The following PPA1 variants were observed in gnomAD, a reference collection of about 807,000 sequenced individuals.
PPA1 encodes the protein inorganic pyrophosphatase.
PPA1 carries 23 observed loss-of-function variants against 41.8 expected under a neutral mutation model. The ratio of observed to expected loss-of-function variants is 0.55; its 90% confidence interval spans 0.40 to 0.78. The LOEUF is 0.78. Among genes scored for constraint, PPA1 ranks in the 30% least tolerant of loss-of-function variants. PPA1 has a pLI of 0.00. For synonymous variants in PPA1, 101 were observed against 116.8 expected, an observed-to-expected ratio of 0.86 and a Z score of 0.87; for missense variants, 320 against 361.6, an observed-to-expected ratio of 0.89 and a Z score of 0.93.
chr10:70,209,668 G>A lies in PPA1; in HGVS notation c.529C>T (p.Arg177Trp), dbSNP rs749785473. Residue 177 changes from arginine to tryptophan, a missense_variant, in exon 7 of 11, where the codon CGG becomes TGG. Coordinates refer to ENST00000373232, the MANE Select transcript of PPA1 (RefSeq NM_021129.4). The stretch of plus-strand genomic sequence containing the variant: ...GCTTCTAAGTAGCCAGGTTTCAGCC[G>A]TTTGACATCATTGATATCTAAGAAG... ...ANYNDINDVK[R>W]LKPGYLEATV... 1.4e-5 allele frequency: 23 copies of A among 1,599,696 alleles called. No individual in the cohort carries two copies. Among genetic ancestry groups the A allele is most frequent in the Admixed American group, 1.0e-4 (6 of 58,158 alleles).
rs1385230006 is a variant in PPA1 at position 70,232,167 on chromosome 10, C to G, written c.64+1097G>C. Among the ~76,000 whole-genome samples, 3 of 152,292 alleles carry G rather than the reference C, an allele frequency of 2.0e-5. No homozygotes were observed. The East Asian group carries it at 5.8e-4, about 29-fold the overall frequency. ...AGCTTTACAGTTCGCTTTCCTTTTC[C>G]TCCCGCACCAGGCTACTTTTTGTTC... On this transcript the variant is annotated intron_variant, in intron 1 of 10. Coordinates refer to ENST00000373232, the MANE Select transcript of PPA1 (RefSeq NM_021129.4).
At chr10:70,225,523 A>AT (rs1422762633) in intron 2 of PPA1, among the ~76,000 whole-genome samples, 1 of 151,914 alleles carries the variant, frequency 6.6e-6, no homozygotes, top group Non-Finnish European at 1.5e-5. Context: ...CCCACCCCCC[A>AT]TTTTTTAATC....
At chr10:70,223,308 G>A (rs775684462) in intron 2 of PPA1, among the ~76,000 whole-genome samples, 15 of 151,996 alleles carry the variant, frequency 9.9e-5, no homozygotes, top group Non-Finnish European at 1.5e-4. Context: ...TCCAACTCCT[G>A]GTCTCAAGCA....
chr10:70,231,182 G>A (rs556912958), intron 1 of PPA1, among the ~76,000 whole-genome samples: 2 of 152,264 alleles, frequency 1.3e-5, no homozygotes, highest in Middle Eastern at 3.4e-3. Context: ...ATATATTCTA[G>A]AGGCCTAACT....
At chr10:70,205,110 T>G in intron 9 of PPA1, 195 bp from the exon 10 acceptor site, 1 of 432,790 alleles carries the variant, frequency 2.3e-6, no homozygotes, top group East Asian at 3.8e-5. Context: ...TCTTGGACAG[T>G]GCAGTGGCTC....
At chr10:70,226,010 G>A (rs1174874422) in intron 2 of PPA1, among the ~76,000 whole-genome samples, 1 of 152,148 alleles carries the variant, frequency 6.6e-6, no homozygotes. Context: ...TATTCACTTA[G>A]AATTGTGACT....
chr10:70,210,170 C>T (rs1001605535), intron 6 of PPA1: 30 of 337,798 alleles, frequency 8.9e-5, no homozygotes, highest in Admixed American at 6.6e-4. Flanking sequence ...CAGCCTTGAC[C>T]TCCACAGTTC....
chr10:70,203,039 A>T lies in PPA1; in HGVS notation c.*116T>A. 2.0e-6 allele frequency: 2 copies of T among 1,019,468 alleles called. No individual in the cohort carries two copies. The highest frequency in any genetic ancestry group is 1.5e-6 in the Non-Finnish European group (1 of 665,874). The allele number at this position is 1,019,468 out of a possible 1,614,324, so 63.2% of individuals were successfully genotyped here. On this transcript the variant is annotated 3_prime_UTR_variant, in exon 11 of 11. Coordinates refer to ENST00000373232, the MANE Select transcript of PPA1 (RefSeq NM_021129.4). ...TATTGGATTAGTCACAGCAGAATTT[A>T]CTTTAGTTAGATGAGTTCTACAAAT...
Position 70,209,651 on chromosome 10 carries a change from G to C in PPA1, c.546C>G (p.Tyr182Ter), listed in dbSNP as rs780777570. 1 of 1,605,104 alleles carries C rather than the reference G, an allele frequency of 6.2e-7. No individual in the cohort carries two copies. Among genetic ancestry groups the C allele is most frequent in the African/African-American group, 1.3e-5 (1 of 74,588 alleles). The change falls in exon 7 of 11, where the codon TAC (tyrosine) becomes TAG (stop). Residue 182 changes from tyrosine (Y) to a stop codon, truncating the protein, a stop_gained. Coordinates refer to ENST00000373232, the MANE Select transcript of PPA1 (RefSeq NM_021129.4). LOFTEE classifies it high-confidence loss of function. ...INDVKRLKPGYLEATVDWFRR... is the reference protein window; with the variant it reads ...INDVKRLKPG ...TAAACCAGTCCACAGTAGCTTCTAA[G>C]TAGCCAGGTTTCAGCCGTTTGACAT... is the stretch of plus-strand genomic sequence containing the variant.
chr10:70,208,005 C>T (rs980426179), intron 8 of PPA1, among the ~76,000 whole-genome samples: 5 of 152,128 alleles, frequency 3.3e-5, no homozygotes, highest in African/African-American at 1.2e-4. Context: ...GCCTGGTTAA[C>T]ACGGCAAAAC....
Position 70,206,281 on chromosome 10 carries a change from T to C in PPA1, c.778A>G (p.Arg260Gly), listed in dbSNP as rs1377562608. The change falls in exon 9 of 11, where the codon AGA (arginine) becomes GGA (glycine). Residue 260 changes from arginine (R) to glycine (G), a missense_variant. Physicochemically the swap from Arg to Gly is moderately radical, Grantham distance 125. Coordinates refer to ENST00000373232, the MANE Select transcript of PPA1 (RefSeq NM_021129.4). ...TTACATACAGCATCCACAATGGCTC[T>C]GGCAGCATCAGGATCACACTTGAAG... ...SPFKCDPDAA[R>G]AIVDALPPPC... is the part of the protein sequence containing the mutation. 6.2e-7 allele frequency: 1 copy of C among 1,613,316 alleles called. No homozygotes were observed. The highest frequency in any genetic ancestry group is 1.7e-5 in the Admixed American group (1 of 60,020).
intron 2 of PPA1, among the ~76,000 whole-genome samples, chr10:70,219,052 C>A (rs1171747194): frequency 6.6e-6 from 1 of 151,978 alleles, no homozygotes; most frequent in African/African-American, 2.4e-5. Context: ...CGGTATAGTT[C>A]TTCTTAATTT....
At chr10:70,209,461 A>C in intron 7 of PPA1, 97 bp downstream of exon 7, 1 of 1,426,850 alleles carries the variant, frequency 7.0e-7, no homozygotes, top group Middle Eastern at 2.6e-4. Flanking sequence ...ATGTTTCCAG[A>C]CTTCTGTTTT....
In PPA1 at chr10:70,217,822, G is replaced by A. The variant is rs1278498045; in HGVS notation, c.287C>T (p.Ala96Val). ...TGCATGAAGACATACCTGAGGGATG[G>A]CACCATAGTTCCAGATATATCCTTT... ...PYKGYIWNYG[A>V]IPQTWEDPGH... Residue 96 changes from alanine to valine, a missense_variant, in exon 4 of 11, where the codon GCC (alanine) becomes GTC (valine). Physicochemically the swap from Ala to Val is moderately conservative, Grantham distance 64. Transcript: ENST00000373232. 6.4e-7 allele frequency: 1 copy of A among 1,573,328 alleles called. No individual in the cohort carries two copies. The highest frequency in any genetic ancestry group is 1.8e-5 in the Admixed American group (1 of 54,936).
At chr10:70,228,834 G>A (rs948239270) in intron 2 of PPA1, among the ~76,000 whole-genome samples, 1 of 152,176 alleles carries the variant, frequency 6.6e-6, no homozygotes, top group Non-Finnish European at 1.5e-5. Flanking sequence ...CCTGGTAGAA[G>A]TGCAATGAAT....
chr10:70,211,871 C>A (rs1243619457), intron 6 of PPA1, among the ~76,000 whole-genome samples: 1 of 152,222 alleles, frequency 6.6e-6, no homozygotes, highest in African/African-American at 2.4e-5. Flanking sequence ...GGTGTGAATG[C>A]ACTCTCACCT....
At chr10:70,228,735 T>C (rs1030645480) in intron 2 of PPA1, among the ~76,000 whole-genome samples, 9 of 152,196 alleles carry the variant, frequency 5.9e-5, no homozygotes, top group African/African-American at 2.2e-4. Context: ...GTTTGCTCCA[T>C]TGCCTCTAAT....
intron 2 of PPA1, among the ~76,000 whole-genome samples, chr10:70,222,335 C>CAAAAAAAAA (rs67974203): frequency 1.1e-4 from 8 of 73,166 alleles, no homozygotes; most frequent in East Asian, 4.6e-4. Flanking sequence ...GACTCCGTCT[C>CAAAAAAAAA]AAAAAAAAAA....
chr10:70,216,273 G>C (rs1206595873), intron 4 of PPA1, among the ~76,000 whole-genome samples: 2 of 152,002 alleles, frequency 1.3e-5, no homozygotes, highest in Non-Finnish European at 2.9e-5. Flanking sequence ...AGATCACAAG[G>C]TCAGGAGTTT....
Sources: allele counts gnomAD v4.1 joint callset (sites outside exome capture counted in the v4.1 genomes callset), GRCh38; gene constraint gnomAD v4.1.1; transcripts MANE v1.5; gene names NCBI Gene and HGNC (gene_info 2026-07-23, HGNC 2026-07-21).